The following PAPPA2 variants were observed in gnomAD, a reference collection of about 807,000 sequenced individuals.
PAPPA2 encodes the protein pappalysin 2.
Under a neutral mutation model 176.4 loss-of-function variants are expected in PAPPA2, and 86 were observed. The observed-to-expected ratio is 0.49, with a 90% CI of 0.41 to 0.58. The LOEUF (loss-of-function observed/expected upper bound fraction) is 0.58. Ranked by LOEUF, PAPPA2 falls within the 20% of genes least tolerant of loss-of-function variation. The probability of loss-of-function intolerance (pLI) is 0.00; values close to 1 mark genes in which losing one functional copy is unlikely to be tolerated. For synonymous variants in PAPPA2, 809 were observed against 852.2 expected (o/e 0.95, Z 0.88); for missense variants, 2,073 against 2,256.9 (o/e 0.92, Z 1.65).
chr1:176,699,460 T>C lies in PAPPA2; in HGVS notation c.3107T>C (p.Leu1036Pro). The change falls in exon 8 of 23, where the codon CTG becomes CCG. Residue 1036 changes from leucine to proline, a missense_variant. This residue lies in a region of PAPPA2 where 1,196 missense variants were observed against 1,330.4 expected (regional missense o/e 0.90). Coordinates refer to ENST00000367662, the MANE Select transcript of PAPPA2 (RefSeq NM_020318.3). The stretch of plus-strand genomic sequence containing the variant: ...AGGATAGAGATTGATGCAGCACTCC[T>C]GACTTCTCAGCCCCACAGTCCCTTG... ...DERIEIDAALLTSQPHSPLCS... is the reference protein window; with the variant it reads ...DERIEIDAALPTSQPHSPLCS... 6.2e-7 allele frequency: 1 copy of C among 1,614,174 alleles called. No homozygotes were observed. The highest frequency in any genetic ancestry group is 8.5e-7 in the Non-Finnish European group (1 of 1,180,032).
At chr1:176,747,281 A>C (rs2102882530) in intron 14 of PAPPA2, among the ~76,000 whole-genome samples, 1 of 152,336 alleles carries the variant, frequency 6.6e-6, no homozygotes, top group Admixed American at 6.5e-5. Context: ...TGAGGAAATG[A>C]TGACTTGTAA....
chr1:176,739,894 C>G, intron 13 of PAPPA2, 86 bp from the exon 14 acceptor site: 1 of 1,570,490 alleles, frequency 6.4e-7, no homozygotes, highest in Non-Finnish European at 8.7e-7. Context: ...CATCATACAC[C>G]TATTAAGAGG....
chr1:176,767,874 GGATATTTGCTTTT>G (rs1261131814), intron 15 of PAPPA2, among the ~76,000 whole-genome samples: 1 of 152,162 alleles, frequency 6.6e-6, no homozygotes, highest in Non-Finnish European at 1.5e-5. Flanking sequence ...AAGACAGTGG[GGATATTTGCTTTT>G]TGTTGACGCA....
chr1:176,594,813 C>A lies in PAPPA2; in HGVS notation c.1209C>A (p.Cys403Ter), dbSNP rs759651747. The change falls in exon 3 of 23, where the codon TGC (cysteine) becomes TGA (stop). Residue 403 changes from cysteine to a stop codon, truncating the protein, a stop_gained. Coordinates refer to ENST00000367662, the MANE Select transcript of PAPPA2 (RefSeq NM_020318.3). LOFTEE classifies it high-confidence loss of function. ...TGAACAGCCCCTTCATGGCATCTTG[C>A]CGCTCTTTGCTCCTGGGGGGAGACA... ...GPLNSPFMAS[C>*]RSLLLGGDSS... The A allele has an allele frequency of 6.2e-7, 1 of 1,614,234 alleles. No homozygotes were observed. The highest frequency in any genetic ancestry group is 8.5e-7 in the Non-Finnish European group (1 of 1,180,052).
At chr1:176,760,347 C>T (rs1302209962) in intron 14 of PAPPA2, among the ~76,000 whole-genome samples, 2 of 152,124 alleles carry the variant, frequency 1.3e-5, no homozygotes, top group African/African-American at 4.8e-5. Context: ...GCAGTGGGGC[C>T]AATGTCTCCT....
chr1:176,735,512 G>A (rs1357619699), intron 12 of PAPPA2, among the ~76,000 whole-genome samples: 1 of 152,082 alleles, frequency 6.6e-6, no homozygotes, highest in African/African-American at 2.4e-5. Context: ...GTGCCCAGCA[G>A]GCAGATTGAA....
chr1:176,514,766 G>A (rs1648811773), intron 1 of PAPPA2, among the ~76,000 whole-genome samples: 1 of 152,200 alleles, frequency 6.6e-6, no homozygotes, highest in African/African-American at 2.4e-5. Context: ...GGCATGCCTA[G>A]GACTAAAAGG....
intron 21 of PAPPA2, among the ~76,000 whole-genome samples, chr1:176,816,776 T>C (rs887188528): frequency 6.6e-6 from 1 of 152,168 alleles, no homozygotes; most frequent in African/African-American, 2.4e-5. Context: ...AACTACTTCC[T>C]TCAACAGAGT....
intron 12 of PAPPA2, among the ~76,000 whole-genome samples, chr1:176,736,858 A>G (rs544849561): frequency 6.6e-6 from 1 of 151,902 alleles, no homozygotes; most frequent in African/African-American, 2.4e-5. Context: ...ATTCTGTACC[A>G]AGAGCCTACA....
intron 12 of PAPPA2, among the ~76,000 whole-genome samples, chr1:176,736,810 T>A (rs1662439574): frequency 6.6e-6 from 1 of 151,314 alleles, no homozygotes. Flanking sequence ...TAAAGTATAA[T>A]GTATTTTTCA....
intron 4 of PAPPA2, among the ~76,000 whole-genome samples, chr1:176,681,813 G>A (rs1177466762): frequency 6.6e-6 from 1 of 152,180 alleles, no homozygotes; most frequent in Non-Finnish European, 1.5e-5. Context: ...GTAAGAAGCA[G>A]AGGGAGCTTC....
In PAPPA2 at chr1:176,690,183, C is replaced by T. The variant is rs143049507; in HGVS notation, c.2184C>T (p.Thr728=). The change falls in exon 5 of 23, where the codon ACC becomes ACT. Residue 728 remains threonine, a synonymous_variant. Coordinates refer to ENST00000367662, the MANE Select transcript of PAPPA2 (RefSeq NM_020318.3). ...SPAYYGMPGH[T]DTMIHEVGHV... ...CATATTATGGGATGCCTGGCCACAC[C>T]GACACCATGATCCATGAAGTGGGAC... 2.7e-5 allele frequency: 43 copies of T among 1,613,922 alleles called. No homozygotes were observed. The highest frequency in any genetic ancestry group is 3.3e-4 in the Middle Eastern group (2 of 6,060).
chr1:176,618,713 C>T (rs1655417707), intron 3 of PAPPA2, among the ~76,000 whole-genome samples: 1 of 152,122 alleles, frequency 6.6e-6, no homozygotes, highest in Non-Finnish European at 1.5e-5. Flanking sequence ...AGTAATTCAA[C>T]AAATTCTCTC....
chr1:176,493,716 A>G (rs1572966276), intron 1 of PAPPA2, among the ~76,000 whole-genome samples: 1 of 152,200 alleles, frequency 6.6e-6, no homozygotes, highest in African/African-American at 2.4e-5. Flanking sequence ...GAAAGTGAGA[A>G]GTGACAAGTG....
At chr1:176,838,399 A>G (rs751168201) in intron 21 of PAPPA2, among the ~76,000 whole-genome samples, 1 of 152,130 alleles carries the variant, frequency 6.6e-6, no homozygotes, top group Non-Finnish European at 1.5e-5. Flanking sequence ...AATTACATGG[A>G]AAAAAAAGAA....
At position 176,734,751 on chromosome 1, in the gene PAPPA2, A is replaced by G. The variant is rs1271662765; in HGVS notation, c.3799-4875A>G. Among the ~76,000 whole-genome samples the G allele has an allele frequency of 4.6e-5, 7 of 152,286 alleles. No homozygotes were observed. The East Asian group carries it at 9.7e-4, about 21-fold the overall frequency. Reference sequence around the variant, plus strand: ...TAGGTTGAACCAGAAGAAATTGCCAATATTTGATAATTCTTCACCTATAAA... The same window carrying G: ...TAGGTTGAACCAGAAGAAATTGCCAGTATTTGATAATTCTTCACCTATAAA... On this transcript the variant is annotated intron_variant, in intron 12 of 22. Transcript: ENST00000367662.
chr1:176,534,981 T>C (rs1279025802), intron 1 of PAPPA2, among the ~76,000 whole-genome samples: 1 of 152,154 alleles, frequency 6.6e-6, no homozygotes, highest in Non-Finnish European at 1.5e-5. Flanking sequence ...AAAATTACTC[T>C]TCCCTGTGTT....
At chr1:176,764,842 C>T (rs980511777) in intron 14 of PAPPA2, among the ~76,000 whole-genome samples, 2 of 152,148 alleles carry the variant, frequency 1.3e-5, no homozygotes, top group East Asian at 1.9e-4. Context: ...GTGATCCGCC[C>T]GCCTTGGCCT....
At chr1:176,593,197 G>A (rs1653763079) in intron 2 of PAPPA2, among the ~76,000 whole-genome samples, 1 of 152,196 alleles carries the variant, frequency 6.6e-6, no homozygotes, top group Non-Finnish European at 1.5e-5. Context: ...TGTCACTTTT[G>A]GAAATATAGC....
Sources: allele counts gnomAD v4.1 joint callset (sites outside exome capture counted in the v4.1 genomes callset), GRCh38; gene constraint gnomAD v4.1.1; regional missense constraint gnomAD v4.1.1; transcripts MANE v1.5; gene names NCBI Gene and HGNC (gene_info 2026-07-23, HGNC 2026-07-21).